The following GRM8 variants were observed in gnomAD, a reference collection of about 807,000 sequenced individuals.
GRM8 encodes glutamate metabotropic receptor 8.
A neutral mutation model predicts 87.2 loss-of-function variants in GRM8; 47 were observed. The ratio of observed to expected loss-of-function variants is 0.54; its 90% CI spans 0.43 to 0.69. GRM8 has a LOEUF of 0.69. Among genes scored for constraint, GRM8 ranks in the 30% least tolerant of loss-of-function variants. The pLI, the probability that GRM8 is intolerant of heterozygous loss-of-function variation, is 0.00. For synonymous variants in GRM8, 396 were observed against 404.5 expected, an observed-to-expected ratio of 0.98 and a Z score of 0.25; for missense variants, 1,019 against 1,139.2, an observed-to-expected ratio of 0.89 and a Z score of 1.52.
chr7:127,235,168 G>C (rs1432853858), intron 2 of GRM8, among the ~76,000 whole-genome samples: 1 of 152,054 alleles, frequency 6.6e-6, no homozygotes, highest in Non-Finnish European at 1.5e-5. Context: ...CCAAACATAG[G>C]CATTTATCAC....
chr7:126,625,504 A>T (rs1377890322), intron 7 of GRM8, among the ~76,000 whole-genome samples: 1 of 147,040 alleles, frequency 6.8e-6, no homozygotes, highest in African/African-American at 2.5e-5. Context: ...CTTCTTCTTG[A>T]TCTATCAAAA....
intron 3 of GRM8, among the ~76,000 whole-genome samples, chr7:127,061,503 T>C (rs938340367): frequency 7.2e-5 from 11 of 152,234 alleles, no homozygotes; most frequent in Non-Finnish European, 1.2e-4. Context: ...CCATGGTTAC[T>C]AGGTGAATGG....
intron 9 of GRM8, among the ~76,000 whole-genome samples, chr7:126,508,554 G>A (rs1810849647): frequency 6.6e-6 from 1 of 151,870 alleles, no homozygotes; most frequent in Non-Finnish European, 1.5e-5. Flanking sequence ...TTCCAACCAT[G>A]GCAACAATAA....
intron 3 of GRM8, among the ~76,000 whole-genome samples, chr7:127,071,208 G>T (rs930499808): frequency 2.6e-5 from 4 of 151,498 alleles, no homozygotes; most frequent in African/African-American, 9.7e-5. Context: ...TCGTGGCTGG[G>T]GAAAAAAAAT....
At position 127,087,626 on chromosome 7, in the gene GRM8, A is replaced by G. The variant is rs536904668; in HGVS notation, c.727+18870T>C. Among the ~76,000 whole-genome samples the G allele has an allele frequency of 1.1e-4, 16 of 152,344 alleles. No individual in the cohort carries two copies. The South Asian group carries it at 3.1e-3, about 30-fold the overall frequency. On this transcript the variant is annotated intron_variant, in intron 3 of 10. Coordinates refer to ENST00000339582, the MANE Select transcript of GRM8 (RefSeq NM_000845.3). Reference sequence around the variant, plus strand: ...GAGAAAAATGGGGAGTTATTTAATCAATGGGCAAACAGTTTCAGTCAAGCA... The same window carrying G: ...GAGAAAAATGGGGAGTTATTTAATCGATGGGCAAACAGTTTCAGTCAAGCA...
intron 6 of GRM8, among the ~76,000 whole-genome samples, chr7:126,820,050 G>T (rs1794159022): frequency 6.6e-6 from 1 of 151,862 alleles, no homozygotes; most frequent in Non-Finnish European, 1.5e-5. Flanking sequence ...TTTCATTTTA[G>T]GAATTTTATT....
At chr7:126,947,960 G>C (rs1563343972) in intron 3 of GRM8, among the ~76,000 whole-genome samples, 1 of 152,174 alleles carries the variant, frequency 6.6e-6, no homozygotes, top group Non-Finnish European at 1.5e-5. Context: ...CCTGTGATTT[G>C]CCAAATGTCA....
At chr7:127,155,498 C>A (rs1227221303) in intron 2 of GRM8, among the ~76,000 whole-genome samples, 7 of 152,132 alleles carry the variant, frequency 4.6e-5, no homozygotes, top group Non-Finnish European at 1.0e-4. Context: ...GCATACCCCA[C>A]CCATCTGCAT....
chr7:127,161,146 C>G (rs958697560), intron 2 of GRM8, among the ~76,000 whole-genome samples: 3 of 152,066 alleles, frequency 2.0e-5, no homozygotes, highest in Non-Finnish European at 4.4e-5. Flanking sequence ...AGAAACGCGA[C>G]TATACAAATT....
At chr7:126,483,914 A>T in intron 9 of GRM8, among the ~76,000 whole-genome samples, 1 of 151,910 alleles carries the variant, frequency 6.6e-6, no homozygotes. Context: ...TAGAGTGTAA[A>T]TAAACATGTT....
intron 9 of GRM8, among the ~76,000 whole-genome samples, chr7:126,530,789 T>A (rs993219414): frequency 1.3e-5 from 2 of 152,202 alleles, no homozygotes; most frequent in African/African-American, 4.8e-5. Flanking sequence ...ATGTGAAAAC[T>A]TAAACATTCT....
At chr7:126,577,624 C>T (rs1236822122) in intron 8 of GRM8, among the ~76,000 whole-genome samples, 1 of 151,966 alleles carries the variant, frequency 6.6e-6, no homozygotes, top group African/African-American at 2.4e-5. Flanking sequence ...GAAAACTCAG[C>T]TGCCTCATGG....
At chr7:127,074,438 G>T (rs1488090083) in intron 3 of GRM8, among the ~76,000 whole-genome samples, 1 of 152,134 alleles carries the variant, frequency 6.6e-6, no homozygotes, top group African/African-American at 2.4e-5. Context: ...TGAGGCAGGG[G>T]GCTGCTCCTC....
At chr7:126,651,407 T>G (rs1563058799) in intron 7 of GRM8, among the ~76,000 whole-genome samples, 1 of 152,174 alleles carries the variant, frequency 6.6e-6, no homozygotes, top group Non-Finnish European at 1.5e-5. Flanking sequence ...GAAGGCTGTG[T>G]ATGCTCTGAA....
chr7:126,591,668 C>T (rs2151043965), intron 8 of GRM8, among the ~76,000 whole-genome samples: 1 of 151,262 alleles, frequency 6.6e-6, no homozygotes, highest in South Asian at 2.1e-4. Context: ...TAAATGCTTG[C>T]ATCAAAAAAG....
rs145509277 is a variant in GRM8, at chr7:126,603,631, T to C, written c.1494+5731A>G. Among the ~76,000 whole-genome samples the C allele has an allele frequency of 7.5e-3, 1,144 of 152,150 alleles. 15 individuals are homozygous for C. Among genetic ancestry groups the C allele is most frequent in the African/African-American group, 0.026 (1,061 of 41,510 alleles). On this transcript the variant is annotated intron_variant, in intron 8 of 10. Coordinates refer to ENST00000339582, the MANE Select transcript of GRM8 (RefSeq NM_000845.3). ...TGGCATTTAAAGTTCTAACAGAATA[T>C]AGAGAAAGGGCCCAGGGAATTGACT...
intron 3 of GRM8, among the ~76,000 whole-genome samples, chr7:126,993,768 C>T (rs1350352425): frequency 6.6e-6 from 1 of 152,200 alleles, no homozygotes; most frequent in Non-Finnish European, 1.5e-5. Flanking sequence ...CCAGTGCCCA[C>T]ACATGAAGGG....
chr7:126,980,372 A>C (rs1198309935), intron 3 of GRM8, among the ~76,000 whole-genome samples: 2 of 152,230 alleles, frequency 1.3e-5, no homozygotes, highest in Non-Finnish European at 2.9e-5. Context: ...TTTTAGCTTC[A>C]TGGTAACAAG....
chr7:126,645,084 A>G (rs1384929882), intron 7 of GRM8, among the ~76,000 whole-genome samples: 1 of 152,236 alleles, frequency 6.6e-6, no homozygotes, highest in African/African-American at 2.4e-5. Flanking sequence ...AGCTAGGACG[A>G]TACTAGTCTC....
Sources: gnomAD v4.1 joint callset for allele counts (sites outside exome capture counted in the v4.1 genomes callset) on GRCh38, gnomAD v4.1.1 for gene constraint, MANE v1.5 for transcripts, NCBI Gene and HGNC (gene_info 2026-07-23, HGNC 2026-07-21) for gene names.